The following PODXL2 variants were observed in gnomAD, a reference collection of about 807,000 sequenced individuals.
The protein encoded by PODXL2 is podocalyxin-like protein 2.
A neutral mutation model predicts 53.4 loss-of-function variants in PODXL2; 17 were observed. The observed-to-expected ratio is 0.32, with a 90% CI of 0.22 to 0.48. The LOEUF is 0.48. Ranked by LOEUF, PODXL2 falls within the 20% of genes least tolerant of loss-of-function variation. The pLI, the probability that PODXL2 is intolerant of heterozygous loss-of-function variation, is 0.99. For missense variants in PODXL2, 673 were observed against 760.0 expected (o/e 0.89, Z 1.35); for synonymous variants, 311 against 306.7 (o/e 1.01, Z -0.15).
At chr3:127,638,105 C>T (rs1217470369) in intron 1 of PODXL2, among the ~76,000 whole-genome samples, 1 of 152,164 alleles carries the variant, frequency 6.6e-6, no homozygotes, top group Non-Finnish European at 1.5e-5. Flanking sequence ...GCTTCCTTGT[C>T]TATCTGGTGA....
intron 4 of PODXL2, among the ~76,000 whole-genome samples, chr3:127,663,882 C>T (rs1168308798): frequency 6.6e-6 from 1 of 152,184 alleles, no homozygotes; most frequent in Non-Finnish European, 1.5e-5. Context: ...CCAATCAATA[C>T]ATAGATATTA....
At chr3:127,640,416 T>A (rs1559873337) in intron 2 of PODXL2, among the ~76,000 whole-genome samples, 1 of 152,012 alleles carries the variant, frequency 6.6e-6, no homozygotes, top group Non-Finnish European at 1.5e-5. Flanking sequence ...AAGAAGAAAA[T>A]AAGGCTGGGT....
rs562651091 is a variant in PODXL2 at position 127,633,221 on chromosome 3, C to G, written c.70+3932C>G. The stretch of plus-strand genomic sequence containing the variant: ...TAGTTTTTAGCTCTGGCTTCTTTCC[C>G]TGGCCCTTAAAGCACATGAAATATT... On this transcript the variant is annotated intron_variant, in intron 1 of 7. Transcript: ENST00000342480. Among the ~76,000 whole-genome samples, 3 of 152,318 alleles carry G rather than the reference C, an allele frequency of 2.0e-5. No homozygotes were observed. The East Asian group carries it at 5.8e-4, about 29-fold the overall frequency.
intron 2 of PODXL2, among the ~76,000 whole-genome samples, chr3:127,656,967 G>A (rs1028885671): frequency 4.6e-5 from 7 of 151,860 alleles, no homozygotes; most frequent in Admixed American, 6.6e-5. Flanking sequence ...CTTGAGCCTC[G>A]GAGTTTGAGG....
intron 2 of PODXL2, among the ~76,000 whole-genome samples, chr3:127,652,662 G>A (rs978051021): frequency 6.6e-6 from 1 of 152,198 alleles, no homozygotes; most frequent in South Asian, 2.1e-4. Context: ...CGTGTCTCCA[G>A]TGTGTCTCCC....
intron 2 of PODXL2, among the ~76,000 whole-genome samples, chr3:127,649,624 T>G (rs971778334): frequency 6.6e-6 from 1 of 152,270 alleles, no homozygotes; most frequent in African/African-American, 2.4e-5. Context: ...CTTTGATGAC[T>G]ATTGAGGTTG....
At chr3:127,671,346 A>C in intron 6 of PODXL2, 88 bp from the exon 7 acceptor site, 6 of 1,163,332 alleles carry the variant, frequency 5.2e-6, no homozygotes, top group South Asian at 1.3e-5. Flanking sequence ...CTGCTCCCCC[A>C]TCCCCACCCG....
At chr3:127,672,062 C>A (rs892913498) in intron 7 of PODXL2, among the ~76,000 whole-genome samples, 3 of 152,236 alleles carry the variant, frequency 2.0e-5, no homozygotes, top group Non-Finnish European at 4.4e-5. Context: ...TCGATGACGT[C>A]AGGGAGGCCA....
intron 4 of PODXL2, among the ~76,000 whole-genome samples, chr3:127,664,394 A>G (rs1012717708): frequency 6.6e-6 from 1 of 151,724 alleles, no homozygotes. Context: ...TTATTTATCC[A>G]TGCAGCTGTC....
At chr3:127,638,310 G>A (rs981592687) in intron 1 of PODXL2, among the ~76,000 whole-genome samples, 4 of 152,200 alleles carry the variant, frequency 2.6e-5, no homozygotes, top group Non-Finnish European at 1.5e-5. Flanking sequence ...CCATTTATTT[G>A]CTTGTTTTGG....
chr3:127,637,195 A>G (rs1357667757), intron 1 of PODXL2, among the ~76,000 whole-genome samples: 1 of 152,170 alleles, frequency 6.6e-6, no homozygotes. Context: ...TGAGAGACAG[A>G]GCTTCACGGG....
In PODXL2 at chr3:127,672,684, C is replaced by G. The variant is rs931125050; in HGVS notation, c.*204C>G. On this transcript the variant is annotated 3_prime_UTR_variant, in exon 8 of 8. Transcript: ENST00000342480. The stretch of plus-strand genomic sequence containing the variant: ...TCACTCCCGCCCGAGGGGCAGGCCT[C>G]AAAGCCCGCCTTGGCCCCGCTTTCC... The G allele has an allele frequency of 9.2e-5, 42 of 456,906 alleles. No individual in the cohort carries two copies. The highest frequency in any genetic ancestry group is 7.6e-4 in the African/African-American group (37 of 48,536). The allele number at this position is 456,906 out of a possible 1,614,324, so 28.3% of individuals were successfully genotyped here. A position where few individuals can be genotyped will look rare whatever the true frequency, so the allele number is the denominator to read the frequency against.
At chr3:127,666,950 T>C (rs74955785) in intron 4 of PODXL2, among the ~76,000 whole-genome samples, 8,201 of 152,296 alleles carry the variant, frequency 0.054, 700 homozygotes, top group African/African-American at 0.18. Context: ...GGAGAGTGCT[T>C]GTTTTGTAAC....
chr3:127,653,668 G>C (rs936498350), intron 2 of PODXL2, among the ~76,000 whole-genome samples: 1 of 113,804 alleles, frequency 8.8e-6, no homozygotes, highest in Non-Finnish European at 2.3e-5. Context: ...AAAAAAAAGA[G>C]AGAAAGTGTC....
At chr3:127,651,426 G>A (rs1245697545) in intron 2 of PODXL2, among the ~76,000 whole-genome samples, 4 of 152,238 alleles carry the variant, frequency 2.6e-5, no homozygotes, top group Admixed American at 2.6e-4. Flanking sequence ...TCCTCTGAAG[G>A]CGGTGCTAGC....
At chr3:127,638,961 G>A (rs902802182) in intron 1 of PODXL2, among the ~76,000 whole-genome samples, 1 of 152,148 alleles carries the variant, frequency 6.6e-6, no homozygotes, top group Non-Finnish European at 1.5e-5. Context: ...CATTTTCTGA[G>A]TGACCACATG....
chr3:127,651,272 A>G (rs1003727421), intron 2 of PODXL2, among the ~76,000 whole-genome samples: 1 of 152,216 alleles, frequency 6.6e-6, no homozygotes, highest in Non-Finnish European at 1.5e-5. Context: ...CAAAACAAAC[A>G]AACAAAAAAC....
intron 6 of PODXL2, 109 bp from the exon 7 acceptor site, chr3:127,671,325 A>T: frequency 2.1e-6 from 2 of 959,730 alleles, no homozygotes; most frequent in Non-Finnish European, 3.2e-6. Flanking sequence ...GAGTGCCAGC[A>T]CCTTCTAAGC....
Position 127,642,332 on chromosome 3 carries a change from C to T in PODXL2, c.349+2809C>T, listed in dbSNP as rs559809493. Among the ~76,000 whole-genome samples the T allele has an allele frequency of 2.6e-3, 387 of 151,178 alleles. 1 individual carries two copies. Among genetic ancestry groups the T allele is most frequent in the African/African-American group, 7.4e-3 (303 of 41,048 alleles). ...AAGATGTATCAGTCAGCATCCCACGCGGAAACAGAAGACACAATCAAATTA... is the reference window on the plus strand; with the variant it reads ...AAGATGTATCAGTCAGCATCCCACGTGGAAACAGAAGACACAATCAAATTA... On this transcript the variant is annotated intron_variant, in intron 2 of 7. Transcript: ENST00000342480.
Sources: allele counts gnomAD v4.1 joint callset (sites outside exome capture counted in the v4.1 genomes callset), GRCh38; gene constraint gnomAD v4.1.1; transcripts MANE v1.5; gene names NCBI Gene and HGNC (gene_info 2026-07-23, HGNC 2026-07-21).